The following ZMYND15 variants were observed in gnomAD, a reference collection of about 807,000 sequenced individuals.
The protein encoded by ZMYND15 is zinc finger MYND-type containing 15.
Under a neutral mutation model 81.7 loss-of-function variants are expected in ZMYND15, and 54 were observed. The ratio of observed to expected loss-of-function variants is 0.66; its 90% CI spans 0.53 to 0.83. The LOEUF is 0.83. Among genes scored for constraint, ZMYND15 ranks in the 40% least tolerant of loss-of-function variants. The pLI, the probability that ZMYND15 is intolerant of heterozygous loss-of-function variation, is 0.00. For synonymous variants in ZMYND15, 399 were observed against 387.0 expected, an observed-to-expected ratio of 1.03 and a Z score of -0.36; for missense variants, 925 against 973.5, an observed-to-expected ratio of 0.95 and a Z score of 0.66.
At position 4,741,801 on chromosome 17, in the gene ZMYND15, A is replaced by G. The variant is rs1380236942; in HGVS notation, c.812A>G (p.Asp271Gly). ...PRKPRQLTVGDARLHRELESL... is the reference protein window; with the variant it reads ...PRKPRQLTVGGARLHRELESL... ...AAGCCCCGACAGCTTACTGTGGGAGATGCCCGGCTGCATCGGTATAGAAAT... is the reference window on the plus strand; with the variant it reads ...AAGCCCCGACAGCTTACTGTGGGAGGTGCCCGGCTGCATCGGTATAGAAAT... The change falls in exon 3 of 14, where the codon GAT becomes GGT. Residue 271 changes from aspartate (D) to glycine (G), a missense_variant. Asp to Gly is a moderately conservative substitution (Grantham distance 94). Coordinates refer to ENST00000433935, the MANE Select transcript of ZMYND15 (RefSeq NM_001136046.3). 1 of 1,574,642 alleles carries G rather than the reference A, an allele frequency of 6.4e-7. No individual in the cohort carries two copies. Among genetic ancestry groups the G allele is most frequent in the Admixed American group, 1.8e-5 (1 of 55,140 alleles).
In ZMYND15 at chr17:4,742,499, AAGG is replaced by A. The variant is rs749169941; in HGVS notation, c.1144+12_1144+14del. 6.2e-7 allele frequency: 1 copy of A among 1,613,176 alleles called. No individual in the cohort carries two copies. The highest frequency in any genetic ancestry group is 1.3e-5 in the African/African-American group (1 of 75,018). The stretch of plus-strand genomic sequence containing the variant: ...CTTTTACCTACACCGCAGGTACCAT[AAGG>A]AGGTCAGAATGGTTGGGGGAAACTG... On this transcript the variant is annotated intron_variant, in intron 5 of 13. Transcript: ENST00000433935.
In ZMYND15 at chr17:4,743,795, CGG is replaced by C; in HGVS notation, c.1328_1329del (p.Gly443AspfsTer58). 1.9e-6 allele frequency: 3 copies of C among 1,613,996 alleles called. No homozygotes were observed. Among genetic ancestry groups the C allele is most frequent in the Non-Finnish European group, 1.7e-6 (2 of 1,179,962 alleles). ...GDPYQLLQGDGTALMPPVPPH... is the reference protein window; with the variant it reads ...GDPYQLLQGDXTALMPPVPPH... ...ACCCCTACCAGCTTCTCCAGGGAGA[CGG>C]GACTGCCCTGATGCCTCCTGTGCCC... On this transcript the variant is annotated frameshift_variant, in exon 7 of 14. Coordinates refer to ENST00000433935, the MANE Select transcript of ZMYND15 (RefSeq NM_001136046.3). LOFTEE classifies it high-confidence loss of function. This position sits in a 1 kb window ranked among gnomAD's most constrained non-coding sequence, Gnocchi z 4.3.
In ZMYND15 at chr17:4,740,705, G is replaced by C; in HGVS notation, c.157G>C (p.Asp53His). The C allele has an allele frequency of 6.2e-7, 1 of 1,613,616 alleles. No homozygotes were observed. The highest frequency in any genetic ancestry group is 8.5e-7 in the Non-Finnish European group (1 of 1,179,704). The change falls in exon 2 of 14, where the codon GAC (aspartate) becomes CAC (histidine). Residue 53 changes from aspartate to histidine, a missense_variant. Coordinates refer to ENST00000433935, the MANE Select transcript of ZMYND15 (RefSeq NM_001136046.3). ...GGCCCAGATCAGAAGGCTACCCCAG[G>C]ACCCTGCCCTTTGGGTGCTCCATGT... ...LEAQIRRLPQ[D>H]PALWVLHVLP... is the part of the protein sequence containing the mutation.
intron 2 of ZMYND15, 106 bp downstream of exon 2, chr17:4,741,246 C>T (rs1309907591): frequency 8.6e-6 from 11 of 1,282,464 alleles, no homozygotes; most frequent in Non-Finnish European, 1.0e-5. Flanking sequence ...GCCAATCTGG[C>T]CTGAAAAGGT....
Position 4,743,224 on chromosome 17 carries a change from G to A in ZMYND15, c.1145-79G>A. On this transcript the variant is annotated intron_variant, in intron 5 of 13. Transcript: ENST00000433935. The surrounding 1 kb of genome is among the most constrained non-coding windows in gnomAD (Gnocchi z 4.3). The stretch of plus-strand genomic sequence containing the variant: ...ACTGCACTCTAGCTTGGGTGATAGA[G>A]CAAGACTCTGTCTCAAAAAAAAAAA... 1.4e-6 allele frequency: 2 copies of A among 1,426,442 alleles called. No homozygotes were observed. The highest frequency in any genetic ancestry group is 1.3e-5 in the South Asian group (1 of 74,880). 88.4% of individuals were successfully genotyped at this position (1,426,442 alleles called of 1,614,324 possible). A position where few individuals can be genotyped will look rare whatever the true frequency, so the allele number is the denominator to read the frequency against.
chr17:4,741,075 A>T lies in ZMYND15; in HGVS notation c.527A>T (p.Asp176Val). ...EAAREAGGGKDGCREDRVENE... is the reference protein window; with the variant it reads ...EAAREAGGGKVGCREDRVENE... ...GCCCGGGAGGCAGGAGGTGGCAAGG[A>T]TGGCTGCCGAGAGGACAGGGTGGAG... The change falls in exon 2 of 14, where the codon GAT becomes GTT. Residue 176 changes from aspartate to valine, a missense_variant. By Grantham distance (152) the Asp-to-Val change is radical. Coordinates refer to ENST00000433935, the MANE Select transcript of ZMYND15 (RefSeq NM_001136046.3). 1 of 1,545,010 alleles carries T rather than the reference A, an allele frequency of 6.5e-7. No individual in the cohort carries two copies. The highest frequency in any genetic ancestry group is 1.2e-5 in the South Asian group (1 of 83,188).
Position 4,743,501 on chromosome 17 carries a change from G to C in ZMYND15, c.1297+46G>C, listed in dbSNP as rs1238912126. On this transcript the variant is annotated intron_variant, in intron 6 of 13. Coordinates refer to ENST00000433935, the MANE Select transcript of ZMYND15 (RefSeq NM_001136046.3). This position sits in a 1 kb window ranked among gnomAD's most constrained non-coding sequence, Gnocchi z 4.3. ...CATGGGCCCCTTGGCCTAGAGGGAA[G>C]GACTGGGAAGAAGTTGTCTGGGTCC... The C allele has an allele frequency of 3.1e-6, 5 of 1,605,530 alleles. No individual in the cohort carries two copies. Among genetic ancestry groups the C allele is most frequent in the Non-Finnish European group, 4.2e-6 (5 of 1,176,968 alleles).
Position 4,745,828 on chromosome 17 carries a change from T to C in ZMYND15, c.2067T>C (p.Asn689=). Residue 689 remains asparagine (N), a synonymous_variant, in exon 14 of 14, where the codon AAT becomes AAC. Coordinates refer to ENST00000433935, the MANE Select transcript of ZMYND15 (RefSeq NM_001136046.3). This position sits in a 1 kb window ranked among gnomAD's most constrained non-coding sequence, Gnocchi z 5.2. ...CCCCGCGCCCCCGCAGGTACTGCAA[T>C]GCCTTCATCTTCCACCTGGTTTACA... ...AADNCMSWYC[N]AFIFHLVYKP... 2 of 1,597,596 alleles carry C rather than the reference T, an allele frequency of 1.3e-6. No homozygotes were observed. Among genetic ancestry groups the C allele is most frequent in the Non-Finnish European group, 1.7e-6 (2 of 1,173,948 alleles).
intron 5 of ZMYND15, 145 bp downstream of exon 5, chr17:4,742,636 G>A (rs1459782792): frequency 8.7e-7 from 1 of 1,143,956 alleles, no homozygotes; most frequent in Non-Finnish European, 1.2e-6. Context: ...GGCAGGGGCT[G>A]GGTGTTTGGG....
rs1916650548 is a variant in ZMYND15, at chr17:4,745,932, C to T, written c.2171C>T (p.Pro724Leu). 4.0e-6 allele frequency: 6 copies of T among 1,491,218 alleles called. No homozygotes were observed. The highest frequency in any genetic ancestry group is 5.3e-6 in the Non-Finnish European group (6 of 1,125,634). The allele number at this position is 1,491,218 out of a possible 1,614,324, so 92.4% of individuals were successfully genotyped here. The stretch of plus-strand genomic sequence containing the variant: ...CCAACTCCCTCTGCTCCTCCTGCCC[C>T]CACCCGAAGGCGCCGAGGAGAAAAG... The part of the protein sequence containing the change: ...PSPTPSAPPA[P>L]TRRRRGEKKP... Residue 724 changes from proline to leucine, a missense_variant, in exon 14 of 14, where the codon CCC becomes CTC. Transcript: ENST00000433935. This position sits in a 1 kb window ranked among gnomAD's most constrained non-coding sequence, Gnocchi z 5.2.
chr17:4,740,080 G>T (rs1184466366), intron 1 of ZMYND15, 30 bp downstream of exon 1: 5 of 986,202 alleles, frequency 5.1e-6, no homozygotes, highest in Non-Finnish European at 6.0e-6. Context: ...GCCGGGAGGG[G>T]CTAGGTCTAC....
chr17:4,742,393 G>A lies in ZMYND15; in HGVS notation c.1046G>A (p.Cys349Tyr), dbSNP rs1916467529. Residue 349 changes from cysteine (C) to tyrosine (Y), a missense_variant, in exon 5 of 14, where the codon TGC becomes TAC. Coordinates refer to ENST00000433935, the MANE Select transcript of ZMYND15 (RefSeq NM_001136046.3). ...EACLRADWQR[C>Y]PDDVSHRFWC... The stretch of plus-strand genomic sequence containing the variant: ...TGTCTCCGGGCTGACTGGCAGCGGT[G>A]CCCAGATGATGTGAGTCACCGATTT... 1 of 1,614,054 alleles carries A rather than the reference G, an allele frequency of 6.2e-7. No individual in the cohort carries two copies. The highest frequency in any genetic ancestry group is 8.5e-7 in the Non-Finnish European group (1 of 1,180,038).
At position 4,741,688 on chromosome 17, in the gene ZMYND15, G is replaced by A. The variant is rs1367813872; in HGVS notation, c.699G>A (p.Trp233Ter). ...LVDGAQGTAS[W>*]GSGTKDLAPW... ...ATGGAGCCCAGGGAACCGCAAGCTG[G>A]GGCTCAGGGACCAAGGACCTGGCTC... is the stretch of plus-strand genomic sequence containing the variant. The change falls in exon 3 of 14, where the codon TGG becomes TGA. Residue 233 changes from tryptophan (W) to a stop codon, truncating the protein, a stop_gained. Coordinates refer to ENST00000433935, the MANE Select transcript of ZMYND15 (RefSeq NM_001136046.3). LOFTEE classifies it high-confidence loss of function. 6.2e-7 allele frequency: 1 copy of A among 1,613,994 alleles called. No homozygotes were observed. The highest frequency in any genetic ancestry group is 8.5e-7 in the Non-Finnish European group (1 of 1,179,996).
rs1484575982 is a variant in ZMYND15, at chr17:4,744,122, G to A, written c.1495+15G>A. The A allele has an allele frequency of 6.2e-7, 1 of 1,609,386 alleles. No individual in the cohort carries two copies. The highest frequency in any genetic ancestry group is 8.5e-7 in the Non-Finnish European group (1 of 1,177,604). Reference sequence around the variant, plus strand: ...GCCCCAGTCCTGTAAGGAGAGCGGAGTGGGGGGTGGAGCAGGATGGGGGAG... The same window carrying A: ...GCCCCAGTCCTGTAAGGAGAGCGGAATGGGGGGTGGAGCAGGATGGGGGAG... On this transcript the variant is annotated intron_variant, in intron 8 of 13. Transcript: ENST00000433935. The surrounding 1 kb of genome is among the most constrained non-coding windows in gnomAD (Gnocchi z 4.1).
intron 2 of ZMYND15, 90 bp downstream of exon 2, chr17:4,741,230 C>T: frequency 7.4e-7 from 1 of 1,346,780 alleles, no homozygotes; most frequent in Non-Finnish European, 9.6e-7. Flanking sequence ...GAGTGCTGGC[C>T]TTCAGGCCAA....
At chr17:4,742,524 A>T in intron 5 of ZMYND15, 33 bp downstream of exon 5, 1 of 1,607,300 alleles carries the variant, frequency 6.2e-7, no homozygotes, top group Non-Finnish European at 8.5e-7. Context: ...GTTGGGGGAA[A>T]CTGGGACCAG....
In ZMYND15 at chr17:4,741,652, T is replaced by C. The variant is rs914925140; in HGVS notation, c.663T>C (p.Asp221=). The C allele has an allele frequency of 7.4e-6, 12 of 1,614,002 alleles. No individual in the cohort carries two copies. Among genetic ancestry groups the C allele is most frequent in the Non-Finnish European group, 1.0e-5 (12 of 1,180,028 alleles). ...AGCATGGCACCATCTTGGGCATTGA[T>C]CTGCTAGTGGATGGAGCCCAGGGAA... ...TDEHGTILGI[D]LLVDGAQGTA... Residue 221 remains aspartate (D), a synonymous_variant, in exon 3 of 14, where the codon GAT becomes GAC. Transcript: ENST00000433935.
In ZMYND15 at chr17:4,741,619, G is replaced by C. The variant is rs1290589272; in HGVS notation, c.630G>C (p.Val210=). The C allele has an allele frequency of 1.2e-6, 2 of 1,613,934 alleles. No individual in the cohort carries two copies. The highest frequency in any genetic ancestry group is 3.3e-5 in the Admixed American group (2 of 59,992). Residue 210 remains valine (V), a synonymous_variant, in exon 3 of 14, where the codon GTG becomes GTC. Coordinates refer to ENST00000433935, the MANE Select transcript of ZMYND15 (RefSeq NM_001136046.3). ...TGCACGTTTCCTGTCTCTTACTTGT[G>C]ACGGATGAGCATGGCACCATCTTGG... The part of the protein sequence containing the change: ...APLHVSCLLL[V]TDEHGTILGI...
rs758790583 is a variant in ZMYND15, at chr17:4,744,883, G to T, written c.1851G>T (p.Gly617=). 2.4e-5 allele frequency: 38 copies of T among 1,614,006 alleles called. No homozygotes were observed. The highest frequency in any genetic ancestry group is 3.1e-5 in the Non-Finnish European group (37 of 1,180,018). ...CTCTGTCTGCAGGATTTAACTCCGG[G>T]TTTGCTCTCAAGGATACGTGGCTGA... ...KPDLVIGFNS[G]FALKDTWLRS... The change falls in exon 12 of 14, where the codon GGG becomes GGT. Residue 617 remains glycine, a synonymous_variant. Transcript: ENST00000433935. This position sits in a 1 kb window ranked among gnomAD's most constrained non-coding sequence, Gnocchi z 4.1.
Sources: gnomAD v4.1 joint callset for allele counts on GRCh38, gnomAD v4.1.1 for gene constraint, Gnocchi (gnomAD v3.1) non-coding constraint, MANE v1.5 for transcripts, NCBI Gene and HGNC (gene_info 2026-07-23, HGNC 2026-07-21) for gene names.